Variants in PRKCB observed in about 807,000 individuals in gnomAD.
PRKCB encodes the protein protein kinase C beta type.
PRKCB carries 13 observed loss-of-function variants against 81.5 expected under a neutral mutation model. The observed-to-expected ratio is 0.16, with a 90% confidence interval of 0.10 to 0.25. PRKCB has a LOEUF of 0.25. Ranked by LOEUF, PRKCB falls within the 10% of genes least tolerant of loss-of-function variation. PRKCB has a pLI of 1.00. For missense variants in PRKCB, 509 were observed against 875.7 expected, an observed-to-expected ratio of 0.58 and a Z score of 5.29; for synonymous variants, 335 against 321.4, an observed-to-expected ratio of 1.04 and a Z score of -0.45.
intron 3 of PRKCB, among the ~76,000 whole-genome samples, chr16:24,001,682 C>T (rs550887079): frequency 1.0e-3 from 158 of 152,148 alleles, no homozygotes; most frequent in African/African-American, 3.6e-3. Flanking sequence ...CGTAAAACCC[C>T]AGACAAATAT....
chr16:24,084,327 A>G (rs749970914), intron 5 of PRKCB, among the ~76,000 whole-genome samples: 4 of 152,164 alleles, frequency 2.6e-5, no homozygotes, highest in Non-Finnish European at 5.9e-5. Flanking sequence ...TGTGTCTTTT[A>G]TTTATGGTAA....
intron 10 of PRKCB, 136 bp from the exon 11 acceptor site, chr16:24,172,134 C>A (rs1967450508): frequency 1.5e-6 from 1 of 666,518 alleles, no homozygotes; most frequent in South Asian, 1.8e-5. Context: ...CTTGGGGAAA[C>A]AGGAAGCCCA....
intron 9 of PRKCB, among the ~76,000 whole-genome samples, chr16:24,143,442 C>G (rs1405640673): frequency 6.6e-6 from 1 of 152,030 alleles, no homozygotes; most frequent in Non-Finnish European, 1.5e-5. Context: ...GAGATAGGAT[C>G]TTAAGACAGA....
At chr16:23,871,977 TTC>T (rs1177199803) in intron 2 of PRKCB, among the ~76,000 whole-genome samples, 2 of 152,138 alleles carry the variant, frequency 1.3e-5, no homozygotes, top group Non-Finnish European at 2.9e-5. Context: ...GCCTGTCTTG[TTC>T]TCTGTTACTT....
intron 13 of PRKCB, among the ~76,000 whole-genome samples, chr16:24,183,594 A>G (rs1967660225): frequency 1.3e-5 from 2 of 152,264 alleles, no homozygotes; most frequent in South Asian, 2.1e-4. Context: ...TAAACAAGCA[A>G]TAACTGAATT....
chr16:24,214,514 T>G (rs928254660), intron 16 of PRKCB, 144 bp from the exon 17 acceptor site: 47 of 709,340 alleles, frequency 6.6e-5, no homozygotes, highest in Non-Finnish European at 1.0e-4. Flanking sequence ...TCATTTCTGA[T>G]CATTTGAAAC....
At chr16:23,953,247 C>A (rs975315132) in intron 2 of PRKCB, among the ~76,000 whole-genome samples, 1 of 152,200 alleles carries the variant, frequency 6.6e-6, no homozygotes, top group East Asian at 1.9e-4. Flanking sequence ...CTAGAGAAAG[C>A]TAACCAGCTG....
At chr16:23,925,264 C>T (rs1963880551) in intron 2 of PRKCB, among the ~76,000 whole-genome samples, 1 of 152,046 alleles carries the variant, frequency 6.6e-6, no homozygotes, top group African/African-American at 2.4e-5. Flanking sequence ...CCTGGAGTGC[C>T]CTACAATGGG....
intron 2 of PRKCB, among the ~76,000 whole-genome samples, chr16:23,916,357 C>A (rs1002262403): frequency 6.6e-6 from 1 of 151,610 alleles, no homozygotes; most frequent in Non-Finnish European, 1.5e-5. Context: ...GCACCATGCT[C>A]GATATTGCAG....
chr16:24,021,534 TG>T (rs1352464097), intron 3 of PRKCB, among the ~76,000 whole-genome samples: 1 of 151,362 alleles, frequency 6.6e-6, no homozygotes, highest in Non-Finnish European at 1.5e-5. Flanking sequence ...ACTCTGTCAC[TG>T]GCCGGTGCTG....
chr16:23,946,547 G>T (rs1964205574), intron 2 of PRKCB, among the ~76,000 whole-genome samples: 1 of 152,172 alleles, frequency 6.6e-6, no homozygotes. Context: ...GGGTTGTTAA[G>T]ATTTAATGAG....
intron 3 of PRKCB, among the ~76,000 whole-genome samples, chr16:23,993,166 A>G (rs1344352822): frequency 6.6e-6 from 1 of 152,086 alleles, no homozygotes; most frequent in African/African-American, 2.4e-5. Context: ...CCCCAAAAGA[A>G]CTATTTGAGT....
At chr16:23,990,109 A>C (rs1476366387) in intron 3 of PRKCB, among the ~76,000 whole-genome samples, 2 of 152,102 alleles carry the variant, frequency 1.3e-5, no homozygotes, top group Admixed American at 6.5e-5. Flanking sequence ...GATGCTGATG[A>C]GCTGTTGATA....
chr16:24,133,695 T>C (rs2141937484), intron 9 of PRKCB, among the ~76,000 whole-genome samples: 1 of 152,296 alleles, frequency 6.6e-6, no homozygotes, highest in South Asian at 2.1e-4. Context: ...ATGCATTATA[T>C]CATATTAATT....
Position 24,009,469 on chromosome 16 carries a change from G to A in PRKCB, c.288+20879G>A, listed in dbSNP as rs532451747. On this transcript the variant is annotated intron_variant, in intron 3 of 16. Transcript: ENST00000643927. ...AGATGGAGTCTTGCTCTGTTGCCCA[G>A]GCTGGAGTGCAATGGCGTGATCCTG... 2.6e-3 allele frequency among the ~76,000 whole-genome samples: 388 copies of A among 149,032 alleles called. 3 individuals carry two copies. The highest frequency in any genetic ancestry group is 9.3e-3 in the African/African-American group (376 of 40,340).
intron 9 of PRKCB, among the ~76,000 whole-genome samples, chr16:24,125,316 G>A (rs1441360296): frequency 1.6e-5 from 2 of 125,230 alleles, no homozygotes; most frequent in Non-Finnish European, 3.5e-5. Flanking sequence ...TTTATCATCT[G>A]GCCCTTGTTC....
chr16:23,836,780 C>G (rs1336748272), intron 1 of PRKCB, among the ~76,000 whole-genome samples: 1 of 120,200 alleles, frequency 8.3e-6, no homozygotes, highest in Non-Finnish European at 1.8e-5. Context: ...GGGGGGGCGG[C>G]GCCCTGGGTG....
chr16:24,018,252 T>C (rs1264034294), intron 3 of PRKCB, among the ~76,000 whole-genome samples: 1 of 152,080 alleles, frequency 6.6e-6, no homozygotes, highest in Non-Finnish European at 1.5e-5. Context: ...GATATTACTA[T>C]GTTGTCCAGG....
chr16:23,913,816 T>C (rs1461570966), intron 2 of PRKCB, among the ~76,000 whole-genome samples: 1 of 152,194 alleles, frequency 6.6e-6, no homozygotes, highest in Non-Finnish European at 1.5e-5. Context: ...TTTGGCTGTA[T>C]GCTCCACGAA....
Sources: allele counts gnomAD v4.1 joint callset (sites outside exome capture counted in the v4.1 genomes callset), GRCh38; gene constraint gnomAD v4.1.1; transcripts MANE v1.5; gene names NCBI Gene and HGNC (gene_info 2026-07-23, HGNC 2026-07-21).